Variants in VAV3 observed in about 807,000 individuals in gnomAD.
VAV3 encodes the protein vav guanine nucleotide exchange factor 3.
A neutral mutation model predicts 131.2 loss-of-function variants in VAV3; 94 were observed. The ratio of observed to expected loss-of-function variants is 0.72; its 90% CI spans 0.61 to 0.85. VAV3 has a LOEUF of 0.85. VAV3 is among the 40% of genes least tolerant of loss of function. The probability of loss-of-function intolerance (pLI) is 0.00; values close to 1 mark genes in which losing one functional copy is unlikely to be tolerated. For synonymous variants in VAV3, 349 were observed against 342.0 expected (o/e 1.02, Z -0.22); for missense variants, 939 against 1,002.7 (o/e 0.94, Z 0.86).
intron 2 of VAV3, among the ~76,000 whole-genome samples, chr1:107,788,990 T>C (rs1035645520): frequency 5.9e-5 from 9 of 151,894 alleles, no homozygotes; most frequent in South Asian, 2.1e-4. Flanking sequence ...TCCAGCAGAG[T>C]GGCTGGGGAT....
intron 20 of VAV3, among the ~76,000 whole-genome samples, chr1:107,623,355 G>C (rs909141329): frequency 1.3e-4 from 20 of 152,102 alleles, no homozygotes; most frequent in African/African-American, 4.6e-4. Context: ...ATTGTTTCTT[G>C]ATTATTGTCA....
rs767801198 is a variant in VAV3, at chr1:107,596,202, C to T, written c.2350+10G>A. The T allele has an allele frequency of 1.2e-6, 2 of 1,605,204 alleles. No individual in the cohort carries two copies. Among genetic ancestry groups the T allele is most frequent in the East Asian group, 2.2e-5 (1 of 44,812 alleles). On this transcript the variant is annotated intron_variant, in intron 25 of 26. Transcript: ENST00000370056. ...TGACAGCAAATTGTATTCTCAATTA[C>T]AATACTTACAGCTGTTGCCTGCTCT...
At chr1:107,689,060 T>C (rs1448041735) in intron 17 of VAV3, among the ~76,000 whole-genome samples, 1 of 152,172 alleles carries the variant, frequency 6.6e-6, no homozygotes, top group East Asian at 1.9e-4. Context: ...CTAATGGTTA[T>C]AAGGGCCCTG....
At chr1:107,697,442 C>G (rs1259841081) in intron 17 of VAV3, among the ~76,000 whole-genome samples, 1 of 151,962 alleles carries the variant, frequency 6.6e-6, no homozygotes, top group Non-Finnish European at 1.5e-5. Flanking sequence ...TGGAAATATG[C>G]AAAACAGGGA....
In VAV3 at chr1:107,772,777, T is replaced by A; in HGVS notation, c.513A>T (p.Glu171Asp). Residue 171 changes from glutamate to aspartate, a missense_variant, in exon 5 of 27, where the codon GAA becomes GAT. Coordinates refer to ENST00000370056, the MANE Select transcript of VAV3 (RefSeq NM_006113.5). ...CTGCCTTCATTAAGTCCTCATAGAC[T>A]TCTCCACCTTCATCTTCCCCATAAA... ...DCVYGEDEGG[E>D]VYEDLMKAEE... The A allele has an allele frequency of 1.9e-6, 3 of 1,613,972 alleles. No homozygotes were observed. The highest frequency in any genetic ancestry group is 2.5e-6 in the Non-Finnish European group (3 of 1,179,920).
intron 12 of VAV3, among the ~76,000 whole-genome samples, chr1:107,753,958 A>T (rs577799007): frequency 6.6e-6 from 1 of 152,316 alleles, no homozygotes; most frequent in African/African-American, 2.4e-5. Flanking sequence ...GGAGATTAGG[A>T]AAAGGGATTT....
intron 2 of VAV3, among the ~76,000 whole-genome samples, chr1:107,784,648 A>G (rs1291569962): frequency 6.6e-6 from 1 of 152,238 alleles, no homozygotes. Flanking sequence ...TCAATCTGAC[A>G]ACGGAAAATT....
At chr1:107,785,537 A>C (rs1665934782) in intron 2 of VAV3, 2 of 1,279,570 alleles carry the variant, frequency 1.6e-6, no homozygotes, top group South Asian at 1.4e-5. Flanking sequence ...GGGTTCAAGA[A>C]GGGGTCCACG....
chr1:107,842,436 T>C (rs986764048), intron 2 of VAV3, among the ~76,000 whole-genome samples: 1 of 152,190 alleles, frequency 6.6e-6, no homozygotes, highest in Non-Finnish European at 1.5e-5. Context: ...TTCAGGTGTG[T>C]CTCTTATAAA....
intron 15 of VAV3, among the ~76,000 whole-genome samples, chr1:107,719,690 C>T (rs1473209128): frequency 6.6e-6 from 1 of 152,120 alleles, no homozygotes; most frequent in Non-Finnish European, 1.5e-5. Flanking sequence ...ACCATTTGAC[C>T]CAGCAATCCC....
intron 17 of VAV3, among the ~76,000 whole-genome samples, chr1:107,694,035 G>A (rs1229115198): frequency 7.9e-5 from 12 of 152,198 alleles, no homozygotes; most frequent in African/African-American, 2.9e-4. Context: ...TTAGAAGGGA[G>A]CTACTCTGAA....
intron 7 of VAV3, among the ~76,000 whole-genome samples, chr1:107,768,142 G>A (rs977739446): frequency 6.6e-6 from 1 of 152,180 alleles, no homozygotes; most frequent in Non-Finnish European, 1.5e-5. Context: ...GGGGATGGAA[G>A]TGGATCCCCA....
At chr1:107,779,951 C>T (rs1472374312) in intron 2 of VAV3, among the ~76,000 whole-genome samples, 1 of 152,180 alleles carries the variant, frequency 6.6e-6, no homozygotes, top group Non-Finnish European at 1.5e-5. Context: ...TCAGTAGCCA[C>T]ACACATGTGG....
intron 9 of VAV3, among the ~76,000 whole-genome samples, 196 bp from the exon 10 acceptor site, chr1:107,761,075 G>C (rs1049921465): frequency 2.6e-5 from 4 of 152,092 alleles, no homozygotes; most frequent in African/African-American, 9.7e-5. Context: ...ATGAATAAAA[G>C]AGAACTATTT....
chr1:107,705,864 G>A (rs1660419458), intron 15 of VAV3, among the ~76,000 whole-genome samples: 1 of 152,120 alleles, frequency 6.6e-6, no homozygotes, highest in Non-Finnish European at 1.5e-5. Context: ...CAGCATGATT[G>A]GGAACTCTAA....
intron 25 of VAV3, among the ~76,000 whole-genome samples, chr1:107,592,813 T>C (rs1297255682): frequency 1.3e-5 from 2 of 152,164 alleles, no homozygotes; most frequent in Non-Finnish European, 2.9e-5. Context: ...GTGTTCATTG[T>C]AGAGCAAGAA....
chr1:107,810,686 A>G (rs2102329440), intron 2 of VAV3, among the ~76,000 whole-genome samples: 1 of 152,260 alleles, frequency 6.6e-6, no homozygotes, highest in Admixed American at 6.5e-5. Context: ...GAACAATCCT[A>G]TTTTTCTATA....
At chr1:107,692,082 C>A (rs533798365) in intron 17 of VAV3, among the ~76,000 whole-genome samples, 3 of 152,120 alleles carry the variant, frequency 2.0e-5, no homozygotes, top group African/African-American at 4.8e-5. Context: ...TCAACAGGGG[C>A]CACAGAAAAG....
At chr1:107,798,718 C>CAA (rs57288177) in intron 2 of VAV3, among the ~76,000 whole-genome samples, 10 of 49,528 alleles carry the variant, frequency 2.0e-4, no homozygotes, top group East Asian at 1.1e-3. Context: ...GACTCCCTCT[C>CAA]AAAAAAAAAA....
Sources: allele counts gnomAD v4.1 joint callset (sites outside exome capture counted in the v4.1 genomes callset), GRCh38; gene constraint gnomAD v4.1.1; transcripts MANE v1.5; gene names NCBI Gene and HGNC (gene_info 2026-07-23, HGNC 2026-07-21).